RREB1: variants seen among roughly 807,000 people sequenced by gnomAD.
The protein encoded by RREB1 is ras-responsive element-binding protein 1.
In RREB1, 27 loss-of-function variants were observed where a neutral mutation model predicts 117.8. That is an observed-to-expected ratio of 0.23 (90% CI 0.17 to 0.32). The LOEUF (loss-of-function observed/expected upper bound fraction) is 0.32. RREB1 is among the 10% of genes least tolerant of loss of function. The pLI is 1.00. For synonymous variants in RREB1, 1,298 were observed against 1,026.7 expected (o/e 1.26, Z -5.05); for missense variants, 2,577 against 2,378.2 (o/e 1.08, Z -1.74).
At chr6:7,244,479 A>G (rs978133365) in intron 11 of RREB1, among the ~76,000 whole-genome samples, 2 of 152,180 alleles carry the variant, frequency 1.3e-5, no homozygotes, top group African/African-American at 4.8e-5. Context: ...AGTTTATACC[A>G]ATATCCATTC....
At chr6:7,199,934 G>A (rs1201043819) in intron 6 of RREB1, among the ~76,000 whole-genome samples, 3 of 152,086 alleles carry the variant, frequency 2.0e-5, no homozygotes, top group African/African-American at 7.2e-5. Flanking sequence ...GTGAATAATC[G>A]AAAGCTGCCA....
At chr6:7,146,592 A>G (rs9505048) in intron 1 of RREB1, among the ~76,000 whole-genome samples, 7,029 of 152,224 alleles carry the variant, frequency 0.046, 175 homozygotes, top group Middle Eastern at 0.065. Context: ...TGGGTCTGAT[A>G]TAAGTTCTGC....
intron 1 of RREB1, among the ~76,000 whole-genome samples, chr6:7,148,202 T>C (rs187071719): frequency 2.9e-4 from 44 of 152,296 alleles, no homozygotes; most frequent in Non-Finnish European, 5.1e-4. Context: ...ATTGATCCTT[T>C]AGGCCTGCAC....
chr6:7,124,084 G>A (rs1010897546), intron 1 of RREB1, among the ~76,000 whole-genome samples: 2 of 152,182 alleles, frequency 1.3e-5, no homozygotes, highest in South Asian at 2.1e-4. Flanking sequence ...GTCCTGTTGC[G>A]GTAGTAAGCT....
At chr6:7,201,507 A>G (rs970542425) in intron 6 of RREB1, among the ~76,000 whole-genome samples, 1 of 18,180 alleles carries the variant, frequency 5.5e-5, no homozygotes, top group Non-Finnish European at 1.2e-4. Context: ...CCCCCCCCCA[A>G]CCCCCATCCC....
chr6:7,154,061 C>T (rs944469276), intron 1 of RREB1, among the ~76,000 whole-genome samples: 3 of 152,180 alleles, frequency 2.0e-5, no homozygotes, highest in East Asian at 1.9e-4. Flanking sequence ...CAAAGGTATA[C>T]GGTTGCCAGG....
In RREB1 at chr6:7,242,724, A is replaced by G. The variant is rs993516202; in HGVS notation, c.3973+2122A>G. Among the ~76,000 whole-genome samples the G allele has an allele frequency of 4.0e-5, 6 of 149,282 alleles. No homozygotes were observed. The East Asian group carries it at 9.9e-4, about 25-fold the overall frequency. ...AAGGGGGGGGGGGAAGGAAATGACCAAGGAGGTCCTTGAGGGGTTTTCTAG... is the reference window on the plus strand; with the variant it reads ...AAGGGGGGGGGGGAAGGAAATGACCGAGGAGGTCCTTGAGGGGTTTTCTAG... On this transcript the variant is annotated intron_variant, in intron 11 of 12. Coordinates refer to ENST00000379938, the MANE Select transcript of RREB1 (RefSeq NM_001003699.4).
chr6:7,208,881 G>C (rs533146798), intron 6 of RREB1, among the ~76,000 whole-genome samples: 1 of 152,180 alleles, frequency 6.6e-6, no homozygotes, highest in Non-Finnish European at 1.5e-5. Flanking sequence ...ACTGACTGGC[G>C]TGGTCTTGGG....
intron 1 of RREB1, among the ~76,000 whole-genome samples, chr6:7,159,192 A>T: frequency 6.6e-6 from 1 of 152,166 alleles, no homozygotes; most frequent in Non-Finnish European, 1.5e-5. Flanking sequence ...CAAAACAAAC[A>T]TTCTCCGTAA....
chr6:7,228,971 T>C, intron 9 of RREB1, 26 bp from the exon 10 acceptor site: 1 of 1,480,200 alleles, frequency 6.8e-7, no homozygotes, highest in Non-Finnish European at 9.0e-7. Flanking sequence ...TGTGTTCCCT[T>C]GCTTTTACCG....
rs369802211 is a variant in RREB1 at position 7,246,988 on chromosome 6, G to A, written c.4538G>A (p.Gly1513Asp). ...TPAEVVESAPGAGEAPAEKLA... is the reference protein window; with the variant it reads ...TPAEVVESAPDAGEAPAEKLA... Reference sequence around the variant, plus strand: ...GCAGAGGTGGTGGAGTCGGCCCCGGGTGCCGGGGAGGCCCCGGCGGAAAAG... The same window carrying A: ...GCAGAGGTGGTGGAGTCGGCCCCGGATGCCGGGGAGGCCCCGGCGGAAAAG... Residue 1513 changes from glycine to aspartate, a missense_variant, in exon 12 of 13, where the codon GGT becomes GAT. Transcript: ENST00000379938. The A allele has an allele frequency of 1.9e-6, 3 of 1,593,100 alleles. No individual in the cohort carries two copies. The highest frequency in any genetic ancestry group is 2.7e-5 in the African/African-American group (2 of 74,116).
chr6:7,174,378 A>G (rs1489435785), intron 1 of RREB1, among the ~76,000 whole-genome samples: 2 of 152,150 alleles, frequency 1.3e-5, no homozygotes, highest in African/African-American at 4.8e-5. Flanking sequence ...TTCAAGGTCA[A>G]GTCTCTCAGC....
intron 8 of RREB1, among the ~76,000 whole-genome samples, chr6:7,219,489 G>A (rs1767113357): frequency 6.6e-6 from 1 of 152,148 alleles, no homozygotes; most frequent in Non-Finnish European, 1.5e-5. Flanking sequence ...ACTCAGGCAC[G>A]TGGTCAGGCA....
At chr6:7,129,928 G>T (rs1301918281) in intron 1 of RREB1, among the ~76,000 whole-genome samples, 2 of 152,170 alleles carry the variant, frequency 1.3e-5, no homozygotes, top group Non-Finnish European at 2.9e-5. Context: ...TGAAGGTAGG[G>T]CCAAGAGCTT....
Position 7,231,022 on chromosome 6 carries a change from C to T in RREB1, c.2923C>T (p.Pro975Ser). The T allele has an allele frequency of 6.2e-7, 1 of 1,614,108 alleles. No individual in the cohort carries two copies. The highest frequency in any genetic ancestry group is 8.5e-7 in the Non-Finnish European group (1 of 1,180,032). ...CGAGCAGCCCTCTCCCTGCCCAGCA[C>T]CCGGCCCTTCTCTTCCTGTAACTTT... is the stretch of plus-strand genomic sequence containing the variant. ...SSEQPSPCPAPGPSLPVTLGP... is the reference protein window; with the variant it reads ...SSEQPSPCPASGPSLPVTLGP... The change falls in exon 10 of 13, where the codon CCC becomes TCC. Residue 975 changes from proline to serine, a missense_variant. Transcript: ENST00000379938.
At chr6:7,228,927 T>A in intron 9 of RREB1, 70 bp from the exon 10 acceptor site, 1 of 1,355,708 alleles carries the variant, frequency 7.4e-7, no homozygotes, top group Non-Finnish European at 9.8e-7. Context: ...ACTTTGTGCA[T>A]CTCCGTTTAG....
At chr6:7,124,957 A>G (rs1410545538) in intron 1 of RREB1, among the ~76,000 whole-genome samples, 1 of 152,212 alleles carries the variant, frequency 6.6e-6, no homozygotes. Flanking sequence ...CATTCACCAA[A>G]CAAGAACTCA....
At chr6:7,128,390 C>CT (rs1481789324) in intron 1 of RREB1, among the ~76,000 whole-genome samples, 1 of 152,078 alleles carries the variant, frequency 6.6e-6, no homozygotes, top group Admixed American at 6.6e-5. Context: ...GAGGCAGTGT[C>CT]TGAAAGTGCT....
chr6:7,143,607 G>C (rs757594496), intron 1 of RREB1, among the ~76,000 whole-genome samples: 3 of 152,098 alleles, frequency 2.0e-5, no homozygotes, highest in Non-Finnish European at 2.9e-5. Context: ...TTTTGCCACC[G>C]CTGAAGTGAC....
Sources: gnomAD v4.1 joint callset for allele counts (sites outside exome capture counted in the v4.1 genomes callset) on GRCh38, gnomAD v4.1.1 for gene constraint, MANE v1.5 for transcripts, NCBI Gene and HGNC (gene_info 2026-07-23, HGNC 2026-07-21) for gene names.